The following NTM variants were observed in gnomAD, a reference collection of about 807,000 sequenced individuals.
The protein encoded by NTM is IgLON family member 2.
In NTM, 13 loss-of-function variants were observed where a neutral mutation model predicts 42.1. That is an observed-to-expected ratio of 0.31 (90% confidence interval 0.20 to 0.49). NTM has a LOEUF of 0.49. Ranked by LOEUF, NTM falls within the 20% of genes least tolerant of loss-of-function variation. NTM has a pLI of 0.99. For missense variants in NTM, 373 were observed against 452.8 expected (o/e 0.82, Z 1.60); for synonymous variants, 187 against 179.2 (o/e 1.04, Z -0.35).
chr11:131,567,561 C>T lies in NTM; in HGVS notation c.82+196673C>T, dbSNP rs375013430. Among the ~76,000 whole-genome samples the T allele has an allele frequency of 5.3e-5, 8 of 152,274 alleles. No homozygotes were observed. The East Asian group carries it at 1.4e-3, about 26-fold the overall frequency. ...GCTCTGACCTGGAAAGCCTAAAAGA[C>T]GTGTCCTATTGGAAGCATTGCTGCT... On this transcript the variant is annotated intron_variant, in intron 1 of 8. Coordinates refer to ENST00000683400, the MANE Select transcript of NTM (RefSeq NM_001352005.2).
chr11:131,383,091 A>C (rs1403832270), intron 1 of NTM, among the ~76,000 whole-genome samples: 1 of 152,156 alleles, frequency 6.6e-6, no homozygotes, highest in Non-Finnish European at 1.5e-5. Flanking sequence ...AAATCCATTG[A>C]GATTATTTTT....
At chr11:132,255,188 TTA>T (rs1227134702) in intron 4 of NTM, among the ~76,000 whole-genome samples, 6 of 152,228 alleles carry the variant, frequency 3.9e-5, no homozygotes, top group African/African-American at 7.2e-5. Flanking sequence ...AACATTTTTT[TTA>T]TCTCTTTGGT....
chr11:131,412,839 A>G (rs982242257), intron 1 of NTM, among the ~76,000 whole-genome samples: 1 of 152,088 alleles, frequency 6.6e-6, no homozygotes. Context: ...AATCATCACT[A>G]ATAACAAGAA....
intron 1 of NTM, among the ~76,000 whole-genome samples, chr11:131,371,768 C>A (rs1309419648): frequency 2.5e-5 from 2 of 81,114 alleles, no homozygotes; most frequent in African/African-American, 4.7e-5. Context: ...ATCCACTAAT[C>A]TTCTTGCTCC....
chr11:131,673,884 A>G (rs2070862188), intron 1 of NTM, among the ~76,000 whole-genome samples: 1 of 152,070 alleles, frequency 6.6e-6, no homozygotes, highest in Admixed American at 6.5e-5. Flanking sequence ...TTTTGCCCAC[A>G]CCTCCACTCC....
intron 1 of NTM, among the ~76,000 whole-genome samples, chr11:131,404,277 C>T (rs553774886): frequency 6.6e-6 from 1 of 152,322 alleles, no homozygotes; most frequent in African/African-American, 2.4e-5. Context: ...ATGCCAAGTG[C>T]AGTGCTCAAT....
chr11:132,195,570 C>T (rs2080071430), intron 3 of NTM, among the ~76,000 whole-genome samples: 1 of 151,722 alleles, frequency 6.6e-6, no homozygotes, highest in East Asian at 1.9e-4. Context: ...TACAAGGCTA[C>T]AGTAACCAAA....
intron 3 of NTM, among the ~76,000 whole-genome samples, chr11:132,153,186 C>T (rs2072375160): frequency 6.6e-6 from 1 of 152,198 alleles, no homozygotes; most frequent in South Asian, 2.1e-4. Context: ...CAGAGTCTAA[C>T]ACCATAGGAT....
At chr11:131,437,607 C>T (rs985132419) in intron 1 of NTM, among the ~76,000 whole-genome samples, 52 of 152,088 alleles carry the variant, frequency 3.4e-4, no homozygotes, top group Admixed American at 3.9e-4. Flanking sequence ...AGATTGCAAC[C>T]TCTGCTTTTT....
At chr11:132,022,112 C>T (rs1475190622) in intron 2 of NTM, among the ~76,000 whole-genome samples, 4 of 152,204 alleles carry the variant, frequency 2.6e-5, no homozygotes, top group East Asian at 3.8e-4. Flanking sequence ...GGCAGAGATG[C>T]CACTGGTCCT....
At chr11:131,936,306 G>T (rs2059210727) in intron 2 of NTM, among the ~76,000 whole-genome samples, 1 of 152,202 alleles carries the variant, frequency 6.6e-6, no homozygotes, top group Non-Finnish European at 1.5e-5. Context: ...AATACCAGAA[G>T]ATGGAGGTAT....
At chr11:131,621,741 G>T (rs1204665998) in intron 1 of NTM, among the ~76,000 whole-genome samples, 3 of 149,806 alleles carry the variant, frequency 2.0e-5, no homozygotes, top group Non-Finnish European at 4.4e-5. Flanking sequence ...ATGATGGCTT[G>T]AGTCTGGGAG....
intron 1 of NTM, among the ~76,000 whole-genome samples, chr11:131,700,179 A>G (rs2075932386): frequency 6.6e-6 from 1 of 152,090 alleles, no homozygotes; most frequent in African/African-American, 2.4e-5. Context: ...GTTATTTCTG[A>G]TTATATTGGT....
chr11:131,779,005 T>A (rs2087566745), intron 1 of NTM, among the ~76,000 whole-genome samples: 1 of 152,224 alleles, frequency 6.6e-6, no homozygotes, highest in South Asian at 2.1e-4. Flanking sequence ...AGGAAGTCAG[T>A]GAGGCAAAAT....
intron 1 of NTM, among the ~76,000 whole-genome samples, chr11:131,559,237 T>C (rs2055880004): frequency 6.6e-6 from 1 of 152,242 alleles, no homozygotes; most frequent in African/African-American, 2.4e-5. Context: ...GCCCAAGGCC[T>C]GGTCTAAAAC....
intron 1 of NTM, among the ~76,000 whole-genome samples, chr11:131,437,533 A>G (rs567061166): frequency 1.3e-5 from 2 of 152,182 alleles, no homozygotes; most frequent in East Asian, 3.9e-4. Flanking sequence ...CTTTATCATT[A>G]TGTAATGGCC....
intron 2 of NTM, among the ~76,000 whole-genome samples, chr11:132,128,921 G>C (rs1480576706): frequency 8.1e-6 from 1 of 122,784 alleles, no homozygotes; most frequent in Non-Finnish European, 1.6e-5. Context: ...CTGGGCGATA[G>C]AGCGAGACAC....
intron 1 of NTM, among the ~76,000 whole-genome samples, chr11:131,653,305 T>C (rs2066751888): frequency 6.6e-6 from 1 of 152,156 alleles, no homozygotes; most frequent in Non-Finnish European, 1.5e-5. Context: ...CAGAAACAGA[T>C]GTGGCCCACT....
intron 1 of NTM, among the ~76,000 whole-genome samples, chr11:131,702,678 T>C (rs1376192811): frequency 2.0e-5 from 3 of 152,250 alleles, no homozygotes; most frequent in Non-Finnish European, 4.4e-5. Flanking sequence ...AAGTGACTAT[T>C]GTTTTAAGGC....
Sources: gnomAD v4.1 joint callset for allele counts (sites outside exome capture counted in the v4.1 genomes callset) on GRCh38, gnomAD v4.1.1 for gene constraint, MANE v1.5 for transcripts, NCBI Gene and HGNC (gene_info 2026-07-23, HGNC 2026-07-21) for gene names.